Variants in LSAMP observed in about 807,000 individuals in gnomAD.
The protein encoded by LSAMP is limbic system-associated membrane protein.
Under a neutral mutation model 38.6 loss-of-function variants are expected in LSAMP, and 7 were observed. That is an observed-to-expected ratio of 0.18 (90% CI 0.10 to 0.34). LSAMP has a LOEUF of 0.34. Among genes scored for constraint, LSAMP ranks in the 10% least tolerant of loss-of-function variants. LSAMP has a pLI of 1.00. For synonymous variants in LSAMP, 154 were observed against 166.8 expected (o/e 0.92, Z 0.59); for missense variants, 313 against 420.0 (o/e 0.75, Z 2.23).
At chr3:116,424,146 T>G (rs114358817) in intron 1 of LSAMP, among the ~76,000 whole-genome samples, 1 of 152,216 alleles carries the variant, frequency 6.6e-6, no homozygotes, top group African/African-American at 2.4e-5. Flanking sequence ...ATTTCCACTG[T>G]GTGTAGTGGG....
chr3:116,041,858 T>C (rs957602689), intron 2 of LSAMP, among the ~76,000 whole-genome samples: 2 of 152,100 alleles, frequency 1.3e-5, no homozygotes, highest in African/African-American at 4.8e-5. Flanking sequence ...TACATCATTT[T>C]ATATAGCAGC....
intron 1 of LSAMP, among the ~76,000 whole-genome samples, chr3:116,410,209 A>G (rs1273127155): frequency 6.6e-6 from 1 of 151,406 alleles, no homozygotes; most frequent in Non-Finnish European, 1.5e-5. Context: ...CACTCTTCAT[A>G]GACAGTTATA....
chr3:115,916,696 T>C (rs1050136426), intron 3 of LSAMP, among the ~76,000 whole-genome samples: 1 of 152,210 alleles, frequency 6.6e-6, no homozygotes, highest in African/African-American at 2.4e-5. Flanking sequence ...GAATGTAATT[T>C]CATTTATTTC....
At chr3:116,276,162 G>A (rs2047049700) in intron 1 of LSAMP, among the ~76,000 whole-genome samples, 1 of 152,086 alleles carries the variant, frequency 6.6e-6, no homozygotes, top group Admixed American at 6.5e-5. Context: ...AAAAAATCTT[G>A]TGAAAAGGTG....
At chr3:116,042,232 T>C (rs1452239164) in intron 2 of LSAMP, among the ~76,000 whole-genome samples, 1 of 152,186 alleles carries the variant, frequency 6.6e-6, no homozygotes, top group Non-Finnish European at 1.5e-5. Flanking sequence ...CACTGAGCAC[T>C]TACTAAGTGT....
chr3:116,412,836 T>C (rs780494988), intron 1 of LSAMP, among the ~76,000 whole-genome samples: 12 of 152,184 alleles, frequency 7.9e-5, no homozygotes, highest in Middle Eastern at 3.4e-3. Flanking sequence ...GATGGCAGCA[T>C]CAGTATAGTA....
intron 1 of LSAMP, among the ~76,000 whole-genome samples, chr3:116,338,050 C>T (rs2047945139): frequency 6.6e-6 from 1 of 152,024 alleles, no homozygotes; most frequent in Admixed American, 6.6e-5. Context: ...TTATTCCAGT[C>T]CTACAAATAA....
chr3:115,816,792 T>C (rs551352405), intron 6 of LSAMP: 1 of 391,410 alleles, frequency 2.6e-6, no homozygotes, highest in South Asian at 2.2e-5. Context: ...AGAATATTGG[T>C]AGAGATGGAA....
chr3:116,024,107 TGCCCCACTCTGGA>T (rs1263575604), intron 2 of LSAMP, among the ~76,000 whole-genome samples: 1 of 152,128 alleles, frequency 6.6e-6, no homozygotes, highest in African/African-American at 2.4e-5. Context: ...TCTCACCTCA[TGCCCCACTCTGGA>T]GGCCATATTG....
intron 1 of LSAMP, among the ~76,000 whole-genome samples, chr3:116,282,397 A>C (rs145827369): frequency 6.6e-6 from 1 of 152,330 alleles, no homozygotes; most frequent in African/African-American, 2.4e-5. Context: ...TAAATTCTTC[A>C]TTAAAAGTAA....
intron 3 of LSAMP, among the ~76,000 whole-genome samples, chr3:115,870,572 G>A (rs1276939187): frequency 1.3e-5 from 2 of 152,114 alleles, no homozygotes; most frequent in African/African-American, 4.8e-5. Flanking sequence ...AATCCATTAT[G>A]TCTAGGGCAA....
intron 1 of LSAMP, among the ~76,000 whole-genome samples, chr3:116,405,919 A>G (rs1391215060): frequency 6.6e-6 from 1 of 152,136 alleles, no homozygotes; most frequent in African/African-American, 2.4e-5. Context: ...AGAAACAGGT[A>G]AGATTTTAGT....
chr3:115,921,299 TTGATCTTGTAG>T (rs1306337526), intron 3 of LSAMP, among the ~76,000 whole-genome samples: 1 of 152,114 alleles, frequency 6.6e-6, no homozygotes, highest in Non-Finnish European at 1.5e-5. Context: ...TTATGTTTCA[TTGATCTTGTAG>T]TGACATGCAT....
chr3:116,086,484 G>T lies in LSAMP; in HGVS notation c.228C>A (p.Asp76Glu). Residue 76 changes from aspartate (D) to glutamate (E), a missense_variant, in exon 2 of 7, where the codon GAC (aspartate) becomes GAA (glutamate). Asp to Glu is a conservative substitution (Grantham distance 45, BLOSUM62 2). Transcript: ENST00000490035. ...CAACCCGTGGGTCCAGAGACCACTT[G>T]TCATGTCCAGCAAAAATGATGCCAG... ...NRSGIIFAGHDKWSLDPRVEL... is the reference protein window; with the variant it reads ...NRSGIIFAGHEKWSLDPRVEL... 1 of 1,614,108 alleles carries T rather than the reference G, an allele frequency of 6.2e-7. No homozygotes were observed. The highest frequency in any genetic ancestry group is 8.5e-7 in the Non-Finnish European group (1 of 1,180,022).
intron 1 of LSAMP, among the ~76,000 whole-genome samples, chr3:116,391,301 C>G (rs1361774177): frequency 3.5e-4 from 53 of 152,254 alleles, no homozygotes; most frequent in Non-Finnish European, 5.9e-5. Context: ...CCCCGCCCCC[C>G]CCGTGCCCCA....
At chr3:116,086,620 G>A in intron 1 of LSAMP, 64 bp from the exon 2 acceptor site, 1 of 1,269,792 alleles carries the variant, frequency 7.9e-7, no homozygotes, top group East Asian at 2.3e-5. Flanking sequence ...TCTTCTCTAG[G>A]TGATCAGACT....
At chr3:115,990,082 G>T (rs1201137165) in intron 3 of LSAMP, among the ~76,000 whole-genome samples, 1 of 152,032 alleles carries the variant, frequency 6.6e-6, no homozygotes, top group East Asian at 1.9e-4. Context: ...TATGAGTAAA[G>T]ATCAGGAGAA....
intron 1 of LSAMP, among the ~76,000 whole-genome samples, chr3:116,233,649 A>G (rs1279648960): frequency 1.3e-5 from 2 of 151,956 alleles, no homozygotes; most frequent in Non-Finnish European, 2.9e-5. Flanking sequence ...AGCCTCTGAT[A>G]ATCATCAAGC....
intron 1 of LSAMP, among the ~76,000 whole-genome samples, chr3:116,149,534 G>C (rs963880398): frequency 1.3e-5 from 2 of 151,956 alleles, no homozygotes; most frequent in African/African-American, 4.8e-5. Context: ...TGTCAGCGAG[G>C]TCTAATGCAC....
Sources: allele counts gnomAD v4.1 joint callset (sites outside exome capture counted in the v4.1 genomes callset), GRCh38; gene constraint gnomAD v4.1.1; transcripts MANE v1.5; gene names NCBI Gene and HGNC (gene_info 2026-07-23, HGNC 2026-07-21).